The following ADAMTS2 variants were observed in gnomAD, a reference collection of about 807,000 sequenced individuals.
ADAMTS2 encodes the protein ADAM metallopeptidase with thrombospondin type 1 motif 2.
In ADAMTS2, 50 loss-of-function variants were observed where a neutral mutation model predicts 123.0. The ratio of observed to expected loss-of-function variants is 0.41; its 90% CI spans 0.32 to 0.51. The LOEUF (loss-of-function observed/expected upper bound fraction) is 0.51, where lower values mean the gene tolerates loss of function less well. Among genes scored for constraint, ADAMTS2 ranks in the 20% least tolerant of loss-of-function variants. The pLI, the probability that ADAMTS2 is intolerant of heterozygous loss-of-function variation, is 0.35. For missense variants in ADAMTS2, 1,494 were observed against 1,705.2 expected, an observed-to-expected ratio of 0.88 and a Z score of 2.18; for synonymous variants, 678 against 695.4, an observed-to-expected ratio of 0.98 and a Z score of 0.39.
At position 179,112,567 on chromosome 5, in the gene ADAMTS2, G is replaced by A. The variant is rs2113158270; in HGVS notation, c.*1300C>T. 6.6e-6 allele frequency: 1 copy of A among 152,364 alleles called. No homozygotes were observed. The highest frequency in any genetic ancestry group is 1.9e-4 in the East Asian group (1 of 5,182). 9.4% of individuals were successfully genotyped at this position (152,364 alleles called of 1,614,324 possible). On this transcript the variant is annotated 3_prime_UTR_variant, in exon 22 of 22. Coordinates refer to ENST00000251582, the MANE Select transcript of ADAMTS2 (RefSeq NM_014244.5). ...TCTCCCACCCTAAGCCCCCATCAGA[G>A]GCCACATTTTGCAGGTCACTGCTGG...
At chr5:179,203,402 G>C (rs966929594) in intron 4 of ADAMTS2, among the ~76,000 whole-genome samples, 1 of 152,248 alleles carries the variant, frequency 6.6e-6, no homozygotes, top group African/African-American at 2.4e-5. Flanking sequence ...GCCGGCTGCT[G>C]CCACGTCTGT....
intron 21 of ADAMTS2, among the ~76,000 whole-genome samples, chr5:179,114,925 A>C (rs1013400857): frequency 1.3e-5 from 2 of 152,190 alleles, no homozygotes; most frequent in Non-Finnish European, 2.9e-5. Flanking sequence ...CCTAAAGGAA[A>C]GTTAAACATC....
intron 3 of ADAMTS2, among the ~76,000 whole-genome samples, chr5:179,269,439 C>G (rs189901450): frequency 2.6e-3 from 392 of 152,264 alleles, no homozygotes; most frequent in Non-Finnish European, 4.3e-3. Flanking sequence ...AAAGGCACGT[C>G]TCACATGGCA....
In ADAMTS2 at chr5:179,181,304, C is replaced by T. The variant is rs964086582; in HGVS notation, c.892-149G>A. ...AACTAGGAGCCACCTTGTGACCCCT[C>T]CCTCATTGCCCCCTGCCCTCTGCCT... On this transcript the variant is annotated intron_variant, in intron 4 of 21. Coordinates refer to ENST00000251582, the MANE Select transcript of ADAMTS2 (RefSeq NM_014244.5). The surrounding 1 kb of genome is among the most constrained non-coding windows in gnomAD (Gnocchi z 4.1). 1.0e-5 allele frequency: 7 copies of T among 688,562 alleles called. No homozygotes were observed. Among genetic ancestry groups the T allele is most frequent in the Non-Finnish European group, 1.6e-5 (6 of 377,960 alleles). The allele number at this position is 688,562 out of a possible 1,614,324, so 42.7% of individuals were successfully genotyped here. A position where few individuals can be genotyped will look rare whatever the true frequency, so the allele number is the denominator to read the frequency against.
intron 3 of ADAMTS2, among the ~76,000 whole-genome samples, chr5:179,239,986 G>A (rs1765625095): frequency 6.6e-6 from 1 of 152,152 alleles, no homozygotes; most frequent in Non-Finnish European, 1.5e-5. Context: ...ACAGAGGCCT[G>A]GTCCAAGTGG....
intron 2 of ADAMTS2, among the ~76,000 whole-genome samples, chr5:179,337,352 C>T (rs1202582882): frequency 6.6e-6 from 1 of 152,138 alleles, no homozygotes; most frequent in African/African-American, 2.4e-5. Context: ...CTCAAATGCA[C>T]ACCCTCCCAT....
intron 4 of ADAMTS2, among the ~76,000 whole-genome samples, chr5:179,203,487 A>G (rs1346994432): frequency 6.6e-6 from 1 of 152,200 alleles, no homozygotes; most frequent in African/African-American, 2.4e-5. Flanking sequence ...GGAGTGTGAC[A>G]AGCCACTGGC....
intron 2 of ADAMTS2, among the ~76,000 whole-genome samples, chr5:179,277,209 C>T (rs914375024): frequency 6.6e-6 from 1 of 152,182 alleles, no homozygotes; most frequent in Non-Finnish European, 1.5e-5. Flanking sequence ...CCAACACAGA[C>T]GTTCAACATG....
At chr5:179,269,554 C>A (rs1279322314) in intron 3 of ADAMTS2, among the ~76,000 whole-genome samples, 2 of 152,146 alleles carry the variant, frequency 1.3e-5, no homozygotes, top group Admixed American at 1.3e-4. Flanking sequence ...GAAAGACCCA[C>A]CCCCATGATT....
At chr5:179,283,948 T>TG (rs1755919810) in intron 2 of ADAMTS2, among the ~76,000 whole-genome samples, 2 of 83,002 alleles carry the variant, frequency 2.4e-5, no homozygotes, top group Non-Finnish European at 4.9e-5. Context: ...GTCAGATGAT[T>TG]ATTATTATTA....
intron 13 of ADAMTS2, among the ~76,000 whole-genome samples, chr5:179,133,325 T>C (rs1435568660): frequency 6.6e-6 from 1 of 152,106 alleles, no homozygotes; most frequent in East Asian, 1.9e-4. Flanking sequence ...TGGAGTACAA[T>C]GGTGCAATCT....
Position 179,143,781 on chromosome 5 carries a change from A to C in ADAMTS2, c.1630-3746T>G, listed in dbSNP as rs1368934835. 3.9e-5 allele frequency among the ~76,000 whole-genome samples: 6 copies of C among 152,162 alleles called. No individual in the cohort carries two copies. In the East Asian group the frequency reaches 1.2e-3, roughly 29 times the overall value. Reference sequence around the variant, plus strand: ...GACAAGGAGCTTTTTGAAGTCAGTCATTTTTCTTGATTTCATCGCCCATTT... The same window carrying C: ...GACAAGGAGCTTTTTGAAGTCAGTCCTTTTTCTTGATTTCATCGCCCATTT... On this transcript the variant is annotated intron_variant, in intron 10 of 21. Coordinates refer to ENST00000251582, the MANE Select transcript of ADAMTS2 (RefSeq NM_014244.5).
rs1002606244 is a variant in ADAMTS2, at chr5:179,117,591, C to A, written c.3179-3267G>T. Among the ~76,000 whole-genome samples the A allele has an allele frequency of 6.7e-6, 1 of 148,446 alleles. No individual in the cohort carries two copies. The highest frequency in any genetic ancestry group is 1.5e-5 in the Non-Finnish European group (1 of 67,498). The stretch of plus-strand genomic sequence containing the variant: ...TTTTTGAGATGAAGTCTTGCTCTGT[C>A]GCCCAGGCTGGAGTGCAGTGGCGTG... On this transcript the variant is annotated intron_variant, in intron 21 of 21. Coordinates refer to ENST00000251582, the MANE Select transcript of ADAMTS2 (RefSeq NM_014244.5). This position sits in a 1 kb window ranked among gnomAD's most constrained non-coding sequence, Gnocchi z 4.2.
intron 2 of ADAMTS2, among the ~76,000 whole-genome samples, chr5:179,277,468 G>A (rs1439502218): frequency 1.0e-4 from 4 of 38,132 alleles, no homozygotes; most frequent in Non-Finnish European, 2.1e-4. Context: ...CCCCCCCCCC[G>A]AGACCAAAGG....
At chr5:179,137,727 C>A in intron 12 of ADAMTS2, 42 bp downstream of exon 12, 1 of 1,533,996 alleles carries the variant, frequency 6.5e-7, no homozygotes, top group Non-Finnish European at 8.7e-7. Flanking sequence ...ACCCTAGGGC[C>A]TGCCTGCTGA....
intron 1 of ADAMTS2, among the ~76,000 whole-genome samples, chr5:179,344,568 C>T (rs1757884322): frequency 6.6e-6 from 1 of 152,230 alleles, no homozygotes; most frequent in African/African-American, 2.4e-5. Context: ...CCCCCTTACC[C>T]GTGTGCCACG....
Position 179,256,116 on chromosome 5 carries a change from C to G in ADAMTS2, c.688+16795G>C, listed in dbSNP as rs543282002. ...ACGGTCCTTCTTCCCACAGGGAGACCGGGAGGGTCTTGTTCTGCCCTCAGA... is the reference window on the plus strand; with the variant it reads ...ACGGTCCTTCTTCCCACAGGGAGACGGGGAGGGTCTTGTTCTGCCCTCAGA... On this transcript the variant is annotated intron_variant, in intron 3 of 21. Coordinates refer to ENST00000251582, the MANE Select transcript of ADAMTS2 (RefSeq NM_014244.5). This position sits in a 1 kb window ranked among gnomAD's most constrained non-coding sequence, Gnocchi z 4.1. Among the ~76,000 whole-genome samples the G allele has an allele frequency of 2.6e-5, 4 of 152,180 alleles. No homozygotes were observed. The highest frequency in any genetic ancestry group is 5.9e-5 in the Non-Finnish European group (4 of 68,026).
At chr5:179,187,365 C>A (rs1301087977) in intron 4 of ADAMTS2, among the ~76,000 whole-genome samples, 2 of 152,242 alleles carry the variant, frequency 1.3e-5, no homozygotes, top group Admixed American at 1.3e-4. Context: ...CAGCGGCTAG[C>A]CCGGCTGCTC....
chr5:179,134,045 C>T lies in ADAMTS2; in HGVS notation c.2086-1145G>A, dbSNP rs1409223242. Among the ~76,000 whole-genome samples, 5 of 152,246 alleles carry T rather than the reference C, an allele frequency of 3.3e-5. No homozygotes were observed. In the East Asian group the frequency reaches 5.8e-4, roughly 18 times the overall value. On this transcript the variant is annotated intron_variant, in intron 13 of 21. Transcript: ENST00000251582. ...TCTTTAATACCCATGTCAGGAGTGA[C>T]GTGATAGCCACACCCACGGAGACAG...
Sources: allele counts gnomAD v4.1 joint callset (sites outside exome capture counted in the v4.1 genomes callset), GRCh38; gene constraint gnomAD v4.1.1; non-coding constraint Gnocchi (gnomAD v3.1); transcripts MANE v1.5; gene names NCBI Gene and HGNC (gene_info 2026-07-23, HGNC 2026-07-21).